The following NDEL1 variants were observed in gnomAD, a reference collection of about 807,000 sequenced individuals.
NDEL1 encodes the protein nudE neurodevelopment protein 1 like 1.
A neutral mutation model predicts 45.7 loss-of-function variants in NDEL1; 9 were observed. The observed-to-expected ratio is 0.20, with a 90% CI of 0.12 to 0.34. The LOEUF (loss-of-function observed/expected upper bound fraction) is 0.34. NDEL1 is among the 10% of genes least tolerant of loss of function. The pLI, the probability that NDEL1 is intolerant of heterozygous loss-of-function variation, is 1.00. For synonymous variants in NDEL1, 133 were observed against 158.6 expected, an observed-to-expected ratio of 0.84 and a Z score of 1.21; for missense variants, 306 against 406.2, an observed-to-expected ratio of 0.75 and a Z score of 2.12.
chr17:8,449,683 A>C (rs1165421707), intron 5 of NDEL1, among the ~76,000 whole-genome samples: 2 of 152,206 alleles, frequency 1.3e-5, no homozygotes, highest in Non-Finnish European at 2.9e-5. Flanking sequence ...TAATGTCCTC[A>C]AGGTTTATCC....
At chr17:8,466,829 T>G (rs1911626722) in intron 8 of NDEL1, 101 bp from the exon 9 acceptor site, 1 of 1,188,784 alleles carries the variant, frequency 8.4e-7, no homozygotes, top group African/African-American at 1.5e-5. Flanking sequence ...CTGCGAGGAA[T>G]AGTTTTAGAA....
chr17:8,422,821 C>G (rs1412048877), intron 1 of NDEL1, among the ~76,000 whole-genome samples: 1 of 151,988 alleles, frequency 6.6e-6, no homozygotes, highest in Non-Finnish European at 1.5e-5. Context: ...ACTGCAACCT[C>G]TGTCTCCCAG....
In NDEL1 at chr17:8,453,669, T is replaced by C. The variant is rs747653018; in HGVS notation, c.701-1127T>C. 7.2e-5 allele frequency among the ~76,000 whole-genome samples: 11 copies of C among 152,196 alleles called. 1 individual carries two copies. Among genetic ancestry groups the C allele is most frequent in the Non-Finnish European group, 1.5e-4 (10 of 68,028 alleles). ...GGGAAGACTTAATTTTCTTACAATATCCATTCTCCCCAAGTCAATCTGTAA... is the reference window on the plus strand; with the variant it reads ...GGGAAGACTTAATTTTCTTACAATACCCATTCTCCCCAAGTCAATCTGTAA... On this transcript the variant is annotated intron_variant, in intron 6 of 8. Coordinates refer to ENST00000334527, the MANE Select transcript of NDEL1 (RefSeq NM_030808.5).
At chr17:8,432,358 A>AT (rs1567722413), upstream of NDEL1, among the ~76,000 whole-genome samples, 60 of 33,350 alleles carry the variant, frequency 1.8e-3, no homozygotes, top group Middle Eastern at 0.026. Context: ...ATATAAATAT[A>AT]AATATATATA....
intron 4 of NDEL1, 85 bp from the exon 5 acceptor site, chr17:8,448,465 A>G (rs2151721102): frequency 7.1e-7 from 1 of 1,415,164 alleles, no homozygotes; most frequent in Non-Finnish European, 9.6e-7. Context: ...AGGAAATGTC[A>G]CGAGATAAAC....
At chr17:8,419,466 A>G (rs1171054685) in intron 1 of NDEL1, among the ~76,000 whole-genome samples, 1 of 152,206 alleles carries the variant, frequency 6.6e-6, no homozygotes, top group East Asian at 1.9e-4. Flanking sequence ...ATGAAATCAT[A>G]ATTTGTTTTC....
chr17:8,450,280 C>T (rs1218753068), intron 5 of NDEL1, among the ~76,000 whole-genome samples: 1 of 131,744 alleles, frequency 7.6e-6, no homozygotes, highest in East Asian at 2.2e-4. Flanking sequence ...CAGAGTGAGA[C>T]TCCGTCTCAA....
At chr17:8,463,711 T>TG (rs1211070626) in intron 8 of NDEL1, among the ~76,000 whole-genome samples, 1 of 152,214 alleles carries the variant, frequency 6.6e-6, no homozygotes, top group Non-Finnish European at 1.5e-5. Context: ...TTCCTGGGAC[T>TG]GGGGGTCTTC....
At chr17:8,420,523 A>T (rs768872961) in intron 1 of NDEL1, among the ~76,000 whole-genome samples, 1 of 152,234 alleles carries the variant, frequency 6.6e-6, no homozygotes, top group Non-Finnish European at 1.5e-5. Flanking sequence ...CAGATGCCAA[A>T]GGGCAAACTA....
downstream of NDEL1, among the ~76,000 whole-genome samples, chr17:8,468,676 A>G (rs755652238): frequency 3.5e-4 from 53 of 152,244 alleles, 1 homozygote; most frequent in Admixed American, 1.1e-3. Flanking sequence ...GATTCTGAGC[A>G]CTGTTTGCTT....
chr17:8,444,376 C>T lies in NDEL1; in HGVS notation c.86+19C>T, dbSNP rs1247290877. On this transcript the variant is annotated intron_variant, in intron 2 of 8. Transcript: ENST00000334527. ...AGCAAAGGTAATGTTGGAAAGCACA[C>T]TAAAAGTAGGGGAGGGCATTTGGAA... 1 of 1,555,634 alleles carries T rather than the reference C, an allele frequency of 6.4e-7. No individual in the cohort carries two copies. Among genetic ancestry groups the T allele is most frequent in the Admixed American group, 1.7e-5 (1 of 58,846 alleles).
chr17:8,414,161 A>G (rs893805577), intron 1 of NDEL1, among the ~76,000 whole-genome samples: 3 of 152,166 alleles, frequency 2.0e-5, no homozygotes, highest in Admixed American at 6.5e-5. Context: ...GTGTGGCTGT[A>G]CCATGATTTA....
chr17:8,463,204 G>T, intron 8 of NDEL1: 4 of 685,942 alleles, frequency 5.8e-6, no homozygotes, highest in East Asian at 2.8e-5. Flanking sequence ...CTCTATTTTT[G>T]TAAGCCACTC....
chr17:8,471,623 G>A (rs756350200), downstream of NDEL1, among the ~76,000 whole-genome samples: 1 of 152,234 alleles, frequency 6.6e-6, no homozygotes, highest in Non-Finnish European at 1.5e-5. Flanking sequence ...GTCTCAGTAG[G>A]GGTTGAAGTC....
At chr17:8,429,678 A>G (rs1908953091) in intron 1 of NDEL1, among the ~76,000 whole-genome samples, 1 of 152,144 alleles carries the variant, frequency 6.6e-6, no homozygotes, top group African/African-American at 2.4e-5. Flanking sequence ...CCAGACCTAG[A>G]GAGGTGATCC....
At chr17:8,464,468 A>G (rs1167862094) in intron 8 of NDEL1, 1 of 152,108 alleles carries the variant, frequency 6.6e-6, no homozygotes, top group Non-Finnish European at 1.5e-5. Flanking sequence ...CATCCCATCT[A>G]GAAGGCCAGC....
intron 1 of NDEL1, among the ~76,000 whole-genome samples, chr17:8,437,639 T>C (rs1370170814): frequency 6.6e-6 from 1 of 152,182 alleles, no homozygotes; most frequent in African/African-American, 2.4e-5. Flanking sequence ...TTGAGAGTAG[T>C]AGAATTTCAG....
chr17:8,461,912 G>T (rs997767169), intron 8 of NDEL1, among the ~76,000 whole-genome samples: 2 of 152,090 alleles, frequency 1.3e-5, no homozygotes, highest in African/African-American at 2.4e-5. Context: ...GTGCCTGTGC[G>T]TGTGGAAGCC....
At chr17:8,459,925 T>C in intron 7 of NDEL1, 84 bp from the exon 8 acceptor site, 1 of 1,418,606 alleles carries the variant, frequency 7.0e-7, no homozygotes, top group Non-Finnish European at 9.7e-7. Context: ...GTTTTGAGGC[T>C]TGAAATAGAA....
Sources: gnomAD v4.1 joint callset for allele counts (sites outside exome capture counted in the v4.1 genomes callset) on GRCh38, gnomAD v4.1.1 for gene constraint, MANE v1.5 for transcripts, NCBI Gene and HGNC (gene_info 2026-07-23, HGNC 2026-07-21) for gene names.